The following CNTNAP2 variants were observed in gnomAD, a reference collection of about 807,000 sequenced individuals.
CNTNAP2 encodes the protein contactin-associated protein-like 2.
Under a neutral mutation model 155.2 loss-of-function variants are expected in CNTNAP2, and 98 were observed. The observed-to-expected ratio is 0.63, with a 90% CI of 0.54 to 0.75. The LOEUF (loss-of-function observed/expected upper bound fraction) is 0.75. Ranked by LOEUF, CNTNAP2 falls within the 30% of genes least tolerant of loss-of-function variation. The pLI, the probability that CNTNAP2 is intolerant of heterozygous loss-of-function variation, is 0.00. For missense variants in CNTNAP2, 1,727 were observed against 1,688.1 expected (o/e 1.02, Z -0.40); for synonymous variants, 651 against 631.2 (o/e 1.03, Z -0.47).
At position 147,451,049 on chromosome 7, in the gene CNTNAP2, C is replaced by T. The variant is rs573867772; in HGVS notation, c.1671-34886C>T. ...TCTTTGCCTTGGCTAATATGCTTCC[C>T]TCAGCTGGAATATCTCATTTCTTCC... On this transcript the variant is annotated intron_variant, in intron 10 of 23. Transcript: ENST00000361727. Among the ~76,000 whole-genome samples, 189 of 152,332 alleles carry T rather than the reference C, an allele frequency of 1.2e-3. 1 individual carries two copies. The highest frequency in any genetic ancestry group is 2.4e-3 in the Non-Finnish European group (161 of 68,032).
chr7:146,121,963 T>A (rs1287998869), intron 1 of CNTNAP2, among the ~76,000 whole-genome samples: 4 of 152,204 alleles, frequency 2.6e-5, no homozygotes, highest in East Asian at 1.9e-4. Context: ...TCTCCTGGGC[T>A]CTGTAGAAGC....
intron 12 of CNTNAP2, among the ~76,000 whole-genome samples, chr7:147,581,795 T>G (rs187208782): frequency 6.6e-6 from 1 of 152,184 alleles, no homozygotes; most frequent in African/African-American, 2.4e-5. Context: ...ATGACTGTTG[T>G]AAAAATATAC....
At chr7:147,983,017 C>CAAAAAAAAAAAAAAAA (rs35946958) in intron 15 of CNTNAP2, among the ~76,000 whole-genome samples, 1 of 80,876 alleles carries the variant, frequency 1.2e-5, no homozygotes, top group African/African-American at 5.1e-5. Context: ...GACTCCACCT[C>CAAAAAAAAAAAAAAAA]AAAAAAAAAA....
chr7:148,192,213 T>C (rs573038002), intron 18 of CNTNAP2, among the ~76,000 whole-genome samples: 15 of 152,248 alleles, frequency 9.9e-5, no homozygotes, highest in Non-Finnish European at 1.6e-4. Context: ...TTCTAAGGTC[T>C]CCATCACTCA....
rs964773113 is a variant in CNTNAP2, at chr7:146,558,741, C to T, written c.98-215530C>T. ...GAAAACCAAACTTTGTATTCTTTAA[C>T]TAACACTATCTTCTCCCATATCTCT... On this transcript the variant is annotated intron_variant, in intron 1 of 23. Transcript: ENST00000361727. 4.6e-5 allele frequency among the ~76,000 whole-genome samples: 7 copies of T among 152,210 alleles called. No individual in the cohort carries two copies. The South Asian group carries it at 8.3e-4, about 18-fold the overall frequency.
chr7:148,386,088 A>G (rs1799187283), intron 22 of CNTNAP2, among the ~76,000 whole-genome samples: 1 of 152,198 alleles, frequency 6.6e-6, no homozygotes, highest in South Asian at 2.1e-4. Context: ...TTCAAATCCA[A>G]ATTCTGTAAT....
Position 147,630,642 on chromosome 7 carries a change from G to A in CNTNAP2, c.1898-8464G>A, listed in dbSNP as rs142276002. Among the ~76,000 whole-genome samples, 1,107 of 152,112 alleles carry A rather than the reference G, an allele frequency of 7.3e-3. 11 individuals carry two copies. Among genetic ancestry groups the A allele is most frequent in the African/African-American group, 0.022 (923 of 41,496 alleles). On this transcript the variant is annotated intron_variant, in intron 12 of 23. Transcript: ENST00000361727. ...AATACACCATTATCAAGTGGGTTTC[G>A]TACCAGGGATGCAGGGATGATTTAA...
chr7:147,222,864 A>G (rs1803437739), intron 8 of CNTNAP2, among the ~76,000 whole-genome samples: 1 of 130,128 alleles, frequency 7.7e-6, no homozygotes, highest in South Asian at 2.3e-4. Flanking sequence ...GGATGGTTAC[A>G]TTGGGCTGGA....
chr7:147,711,751 A>C (rs972925992), intron 13 of CNTNAP2, among the ~76,000 whole-genome samples: 2 of 152,182 alleles, frequency 1.3e-5, no homozygotes, highest in African/African-American at 2.4e-5. Context: ...TATTATTAAG[A>C]CAATCAGCTA....
intron 3 of CNTNAP2, among the ~76,000 whole-genome samples, chr7:146,940,183 C>G (rs575875544): frequency 6.6e-6 from 1 of 151,692 alleles, no homozygotes; most frequent in South Asian, 2.1e-4. Flanking sequence ...ATATTTTGGT[C>G]CCTTTCTTTT....
intron 1 of CNTNAP2, among the ~76,000 whole-genome samples, chr7:146,222,619 T>C (rs918770510): frequency 6.6e-6 from 1 of 151,318 alleles, no homozygotes; most frequent in Non-Finnish European, 1.5e-5. Context: ...TATGCATACA[T>C]GGATGTATAG....
intron 21 of CNTNAP2, among the ~76,000 whole-genome samples, chr7:148,272,325 G>A (rs962677015): frequency 6.6e-6 from 1 of 152,122 alleles, no homozygotes; most frequent in Admixed American, 6.6e-5. Flanking sequence ...TTTACCAGCC[G>A]AGTGATGTCA....
chr7:147,321,052 C>A (rs987551103), intron 9 of CNTNAP2, among the ~76,000 whole-genome samples: 25 of 152,340 alleles, frequency 1.6e-4, no homozygotes, highest in African/African-American at 6.0e-4. Context: ...CACACCTAAA[C>A]ATCTGTTCTT....
chr7:146,396,642 A>G (rs945513137), intron 1 of CNTNAP2, among the ~76,000 whole-genome samples: 4 of 151,484 alleles, frequency 2.6e-5, no homozygotes, highest in East Asian at 3.9e-4. Flanking sequence ...TTACACAAAC[A>G]TTTTGCTAAA....
intron 9 of CNTNAP2, among the ~76,000 whole-genome samples, chr7:147,305,059 C>T (rs992853586): frequency 1.4e-4 from 22 of 152,092 alleles, no homozygotes; most frequent in African/African-American, 5.1e-4. Context: ...CCCTCATGAC[C>T]TAATTAGCCC....
chr7:147,575,678 A>G (rs1800385343), intron 12 of CNTNAP2, among the ~76,000 whole-genome samples: 1 of 151,996 alleles, frequency 6.6e-6, no homozygotes, highest in Non-Finnish European at 1.5e-5. Context: ...AAAACCAAAT[A>G]GTTCAAATAC....
chr7:147,070,285 G>A (rs531964174), intron 4 of CNTNAP2, among the ~76,000 whole-genome samples: 7 of 152,236 alleles, frequency 4.6e-5, no homozygotes, highest in South Asian at 2.1e-4. Context: ...AGATTCATCC[G>A]AAACACTCAA....
chr7:147,121,142 C>G lies in CNTNAP2; in HGVS notation c.918C>G (p.Asp306Glu), dbSNP rs1345902781. Residue 306 changes from aspartate to glutamate, a missense_variant, in exon 6 of 24, where the codon GAC becomes GAG. Physicochemically the swap from Asp to Glu is conservative, Grantham distance 45. Coordinates refer to ENST00000361727, the MANE Select transcript of CNTNAP2 (RefSeq NM_014141.6). ...ACTTCCGTACCAATGGAGAGTTTGA[C>G]TACCTGGACTTGGACTATGAGGTAC... is the stretch of plus-strand genomic sequence containing the variant. ...MQHFRTNGEF[D>E]YLDLDYEITF... The G allele has an allele frequency of 2.5e-6, 4 of 1,614,118 alleles. No homozygotes were observed. The East Asian group carries it at 8.9e-5, about 36-fold the overall frequency.
chr7:146,990,643 G>C (rs1213416337), intron 3 of CNTNAP2, among the ~76,000 whole-genome samples: 1 of 151,750 alleles, frequency 6.6e-6, no homozygotes, highest in Non-Finnish European at 1.5e-5. Flanking sequence ...CTTACCTCAG[G>C]CTTGGTTTCA....
Sources: gnomAD v4.1 joint callset for allele counts (sites outside exome capture counted in the v4.1 genomes callset) on GRCh38, gnomAD v4.1.1 for gene constraint, MANE v1.5 for transcripts, NCBI Gene and HGNC (gene_info 2026-07-23, HGNC 2026-07-21) for gene names.